The following L3MBTL4 variants were observed in gnomAD, a reference collection of about 807,000 sequenced individuals.
L3MBTL4 encodes the protein L3MBTL histone methyl-lysine binding protein 4, also known as lethal(3)malignant brain tumor-like protein 4.
Under a neutral mutation model 84.5 loss-of-function variants are expected in L3MBTL4, and 70 were observed. The ratio of observed to expected loss-of-function variants is 0.83; its 90% CI spans 0.68 to 1.01. The LOEUF (loss-of-function observed/expected upper bound fraction) is 1.01. Ranked by LOEUF, L3MBTL4 falls within the 50% of genes least tolerant of loss-of-function variation. L3MBTL4 has a pLI of 0.00. For synonymous variants in L3MBTL4, 274 were observed against 259.8 expected, an observed-to-expected ratio of 1.05 and a Z score of -0.52; for missense variants, 715 against 754.8, an observed-to-expected ratio of 0.95 and a Z score of 0.62.
chr18:6,337,451 A>G (rs2052397262), intron 1 of L3MBTL4, among the ~76,000 whole-genome samples: 1 of 152,156 alleles, frequency 6.6e-6, no homozygotes, highest in Non-Finnish European at 1.5e-5. Context: ...ACAAACTATA[A>G]CTACATGTAT....
intron 16 of L3MBTL4, among the ~76,000 whole-genome samples, chr18:6,022,619 T>G (rs1055466775): frequency 6.6e-6 from 1 of 152,192 alleles, no homozygotes; most frequent in Non-Finnish European, 1.5e-5. Context: ...GCTACTTACT[T>G]GCTTTATAAG....
rs997369075 is a variant in L3MBTL4 at position 6,024,038 on chromosome 18, A to G, written c.1445-54476T>C. Reference sequence around the variant, plus strand: ...ACCAAGATTAAAAATAAAGATACCCAGCTAATTTTTGTATTTTTAGTAGAC... The same window carrying G: ...ACCAAGATTAAAAATAAAGATACCCGGCTAATTTTTGTATTTTTAGTAGAC... On this transcript the variant is annotated intron_variant, in intron 16 of 18. Transcript: ENST00000317931. Among the ~76,000 whole-genome samples the G allele has an allele frequency of 9.2e-5, 14 of 152,190 alleles. No homozygotes were observed. The East Asian group carries it at 9.7e-4, about 11-fold the overall frequency.
intron 16 of L3MBTL4, among the ~76,000 whole-genome samples, chr18:6,018,131 C>T (rs1204621109): frequency 6.6e-6 from 1 of 152,060 alleles, no homozygotes; most frequent in African/African-American, 2.4e-5. Context: ...AGGAGACTCA[C>T]GGTAGAGGTG....
chr18:6,342,305 A>C (rs1229530970), intron 1 of L3MBTL4, among the ~76,000 whole-genome samples: 2 of 152,190 alleles, frequency 1.3e-5, no homozygotes, highest in African/African-American at 4.8e-5. Context: ...CAAAAGTATT[A>C]AAAATAACTA....
At chr18:6,235,533 T>A (rs2146045848) in intron 10 of L3MBTL4, among the ~76,000 whole-genome samples, 1 of 152,340 alleles carries the variant, frequency 6.6e-6, no homozygotes, top group African/African-American at 2.4e-5. Flanking sequence ...TGCCACAACT[T>A]GGATGAACCT....
intron 10 of L3MBTL4, among the ~76,000 whole-genome samples, chr18:6,226,083 A>C (rs1288576113): frequency 1.3e-5 from 2 of 152,202 alleles, no homozygotes; most frequent in South Asian, 2.1e-4. Flanking sequence ...AGGTAAAAAT[A>C]AAATACACCT....
At chr18:6,191,619 G>C (rs1598326) in intron 12 of L3MBTL4, among the ~76,000 whole-genome samples, 11,661 of 152,192 alleles carry the variant, frequency 0.077, 1,502 homozygotes, top group African/African-American at 0.26. Flanking sequence ...AGTGCCATTT[G>C]AGGAAACCAC....
At chr18:6,319,586 A>T (rs746124200) in intron 1 of L3MBTL4, among the ~76,000 whole-genome samples, 3 of 152,140 alleles carry the variant, frequency 2.0e-5, no homozygotes, top group Non-Finnish European at 4.4e-5. Flanking sequence ...ATCAGGAAGA[A>T]ATAGAAACCT....
At chr18:6,115,501 C>T (rs2059329588) in intron 14 of L3MBTL4, among the ~76,000 whole-genome samples, 2 of 152,124 alleles carry the variant, frequency 1.3e-5, no homozygotes, top group Admixed American at 1.3e-4. Context: ...CCCATCCCAC[C>T]CATTTGGGTG....
intron 16 of L3MBTL4, among the ~76,000 whole-genome samples, chr18:6,015,876 C>T (rs574079303): frequency 1.3e-5 from 2 of 152,332 alleles, no homozygotes; most frequent in Admixed American, 6.5e-5. Flanking sequence ...AGGAGAATCG[C>T]TTGAATCCGG....
At chr18:6,227,688 T>A (rs1331929762) in intron 10 of L3MBTL4, among the ~76,000 whole-genome samples, 1 of 152,080 alleles carries the variant, frequency 6.6e-6, no homozygotes, top group Non-Finnish European at 1.5e-5. Context: ...CAGACAAATA[T>A]CCTTCACAAA....
chr18:6,250,356 C>T (rs2047869620), intron 5 of L3MBTL4, among the ~76,000 whole-genome samples: 2 of 152,068 alleles, frequency 1.3e-5, no homozygotes. Flanking sequence ...TGGTGAAATT[C>T]CTAAAAGCAA....
At chr18:6,117,280 G>A (rs758229671) in intron 14 of L3MBTL4, among the ~76,000 whole-genome samples, 19 of 152,244 alleles carry the variant, frequency 1.2e-4, no homozygotes, top group Non-Finnish European at 2.8e-4. Context: ...GTCCTGCCAG[G>A]ATGAGGGAGT....
In L3MBTL4 at chr18:5,955,814, A is replaced by G. The variant is rs183420581; in HGVS notation, c.*406T>C. On this transcript the variant is annotated 3_prime_UTR_variant, in exon 19 of 19. Transcript: ENST00000317931. ...AGCCAAGCTCGATGTTGCTCTGGTA[A>G]AAACATTAACGATGTATTCATGAAC... is the stretch of plus-strand genomic sequence containing the variant. 3 of 155,920 alleles carry G rather than the reference A, an allele frequency of 1.9e-5. No homozygotes were observed. In the Admixed American group the frequency reaches 1.9e-4, roughly 10 times the overall value. The allele number at this position is 155,920 out of a possible 1,614,324, so 9.7% of individuals were successfully genotyped here. A position where few individuals can be genotyped will look rare whatever the true frequency, so the allele number is the denominator to read the frequency against.
At chr18:6,413,644 T>A (rs2056063004) in intron 1 of L3MBTL4, among the ~76,000 whole-genome samples, 1 of 152,156 alleles carries the variant, frequency 6.6e-6, no homozygotes, top group South Asian at 2.1e-4. Flanking sequence ...GCCACAAGCA[T>A]CTTCTAGAAC....
chr18:6,272,336 G>T (rs2048911696), intron 4 of L3MBTL4, among the ~76,000 whole-genome samples: 1 of 152,240 alleles, frequency 6.6e-6, no homozygotes, highest in African/African-American at 2.4e-5. Flanking sequence ...CCTCCTTCAT[G>T]AGGTAGGATG....
At chr18:6,381,839 T>C (rs2054606336) in intron 1 of L3MBTL4, among the ~76,000 whole-genome samples, 2 of 152,202 alleles carry the variant, frequency 1.3e-5, no homozygotes, top group African/African-American at 4.8e-5. Flanking sequence ...GGAGTATCTT[T>C]CTGGTCTTCT....
At chr18:6,170,029 A>T (rs994450914) in intron 13 of L3MBTL4, among the ~76,000 whole-genome samples, 3 of 152,168 alleles carry the variant, frequency 2.0e-5, no homozygotes, top group Non-Finnish European at 4.4e-5. Context: ...GCAGTTTCTG[A>T]ATTCTATCCA....
At chr18:6,071,685 GAA>G (rs2057613091) in intron 16 of L3MBTL4, among the ~76,000 whole-genome samples, 1 of 64,170 alleles carries the variant, frequency 1.6e-5, no homozygotes, top group Non-Finnish European at 3.1e-5. Flanking sequence ...AAGAAAGAGA[GAA>G]AGAAAGAAAG....
Sources: gnomAD v4.1 joint callset for allele counts (sites outside exome capture counted in the v4.1 genomes callset) on GRCh38, gnomAD v4.1.1 for gene constraint, MANE v1.5 for transcripts, NCBI Gene and HGNC (gene_info 2026-07-23, HGNC 2026-07-21) for gene names.